Variants in ADGRD1 observed in about 807,000 individuals in gnomAD.
The protein encoded by ADGRD1 is adhesion G protein-coupled receptor D1, also known as G-protein coupled receptor 133.
Under a neutral mutation model 113.4 loss-of-function variants are expected in ADGRD1, and 77 were observed. The ratio of observed to expected loss-of-function variants is 0.68; its 90% CI spans 0.57 to 0.82. The LOEUF (loss-of-function observed/expected upper bound fraction) is 0.82, where lower values mean the gene tolerates loss of function less well. Among genes scored for constraint, ADGRD1 ranks in the 40% least tolerant of loss-of-function variants. ADGRD1 has a pLI of 0.00. For synonymous variants in ADGRD1, 474 were observed against 475.0 expected (o/e 1.00, Z 0.03); for missense variants, 1,036 against 1,139.1 (o/e 0.91, Z 1.30).
At chr12:131,130,152 G>A (rs77647638) in intron 20 of ADGRD1, among the ~76,000 whole-genome samples, 6 of 152,332 alleles carry the variant, frequency 3.9e-5, no homozygotes, top group East Asian at 1.9e-4. Flanking sequence ...GGGCATCAGC[G>A]TTTCTGGACA....
At chr12:130,987,690 G>A in intron 6 of ADGRD1, 1 of 334,398 alleles carries the variant, frequency 3.0e-6, no homozygotes. Context: ...TGCCTCCCAG[G>A]GGATGGGCCC....
chr12:131,019,319 G>A (rs7300592), intron 13 of ADGRD1, among the ~76,000 whole-genome samples: 22,692 of 152,154 alleles, frequency 0.15, 1,938 homozygotes, highest in African/African-American at 0.22. Context: ...CCAGGGCTAC[G>A]CAGGAGGCCT....
At chr12:131,093,464 G>A (rs1031680663) in intron 15 of ADGRD1, among the ~76,000 whole-genome samples, 1 of 152,210 alleles carries the variant, frequency 6.6e-6, no homozygotes, top group African/African-American at 2.4e-5. Flanking sequence ...CGGTTACCCA[G>A]CCAGGTGCAG....
intron 20 of ADGRD1, chr12:131,121,904 A>G (rs899435713): frequency 8.5e-5 from 13 of 152,252 alleles, no homozygotes; most frequent in African/African-American, 2.2e-4. Context: ...CCCAGAACCA[A>G]TCAGGGAAAT....
At chr12:131,137,319 G>A (rs1168156597) in intron 23 of ADGRD1, among the ~76,000 whole-genome samples, 1 of 152,248 alleles carries the variant, frequency 6.6e-6, no homozygotes, top group East Asian at 1.9e-4. Flanking sequence ...TGGGGAAGCT[G>A]GCCTGGCTGT....
chr12:131,087,679 C>A (rs1309356490), intron 15 of ADGRD1, among the ~76,000 whole-genome samples: 1 of 152,118 alleles, frequency 6.6e-6, no homozygotes, highest in East Asian at 1.9e-4. Context: ...AGGAGTGTTT[C>A]CCCTAGAGCA....
Position 131,139,413 on chromosome 12 carries a change from C to A in ADGRD1, c.*150C>A. The A allele has an allele frequency of 1.6e-6, 1 of 629,480 alleles. No homozygotes were observed. The highest frequency in any genetic ancestry group is 1.8e-5 in the African/African-American group (1 of 55,418). 39.0% of individuals were successfully genotyped at this position (629,480 alleles called of 1,614,324 possible). Reference sequence around the variant, plus strand: ...GAGACAGCTGTCCTCCCCTGTGACTCTGGCTGTCGGAGCACACTGCTCAGC... The same window carrying A: ...GAGACAGCTGTCCTCCCCTGTGACTATGGCTGTCGGAGCACACTGCTCAGC... On this transcript the variant is annotated 3_prime_UTR_variant, in exon 25 of 25. Transcript: ENST00000261654.
chr12:130,987,402 C>T, intron 6 of ADGRD1, 53 bp downstream of exon 6: 1 of 1,603,026 alleles, frequency 6.2e-7, no homozygotes, highest in Non-Finnish European at 8.5e-7. Context: ...CCAGGGTCAC[C>T]CTGGTATCGG....
intron 3 of ADGRD1, chr12:130,970,660 C>T (rs540104457): frequency 1.3e-5 from 2 of 152,310 alleles, no homozygotes; most frequent in South Asian, 4.1e-4. Context: ...AACAGTAAAT[C>T]CTACTCGCTC....
chr12:131,067,276 A>G (rs1293115117), intron 13 of ADGRD1, among the ~76,000 whole-genome samples: 2 of 152,188 alleles, frequency 1.3e-5, no homozygotes. Flanking sequence ...GTAGAGCTGG[A>G]GCTAGAATGG....
intron 23 of ADGRD1, 71 bp from the exon 24 acceptor site, chr12:131,138,066 G>T: frequency 1.6e-6 from 2 of 1,279,362 alleles, no homozygotes; most frequent in South Asian, 1.2e-5. Flanking sequence ...AGTTGCACCG[G>T]CACAGACTCC....
At position 131,105,753 on chromosome 12, in the gene ADGRD1, G is replaced by C. The variant is rs1950221414; in HGVS notation, c.1776-1G>C. The C allele has an allele frequency of 6.3e-7, 1 of 1,599,896 alleles. No individual in the cohort carries two copies. The highest frequency in any genetic ancestry group is 8.5e-7 in the Non-Finnish European group (1 of 1,179,274). On this transcript the variant is annotated splice_acceptor_variant, in intron 16 of 24. Coordinates refer to ENST00000261654, the MANE Select transcript of ADGRD1 (RefSeq NM_198827.5). LOFTEE classifies it high-confidence loss of function. ...GCCTCACACCCTGCCTCTGTCCTCA[G>C]CTCCGTGAGCACCATCCGGAACCAG...
chr12:131,046,594 T>C (rs1440665121), intron 13 of ADGRD1, among the ~76,000 whole-genome samples: 1 of 118,496 alleles, frequency 8.4e-6, no homozygotes, highest in African/African-American at 3.8e-5. Flanking sequence ...CCCTGGTCAG[T>C]GTCCTCCCTG....
intron 18 of ADGRD1, among the ~76,000 whole-genome samples, chr12:131,109,588 A>C (rs578252833): frequency 6.6e-6 from 1 of 152,306 alleles, no homozygotes; most frequent in South Asian, 2.1e-4. Context: ...TCATTGTGGA[A>C]AGACAACATA....
chr12:130,989,325 G>T (rs948797895), intron 6 of ADGRD1: 1 of 152,208 alleles, frequency 6.6e-6, no homozygotes, highest in East Asian at 1.9e-4. Flanking sequence ...TCTGGTTCTT[G>T]TTCTTGTCAG....
At chr12:131,030,060 G>A (rs1398383950) in intron 13 of ADGRD1, among the ~76,000 whole-genome samples, 2 of 148,192 alleles carry the variant, frequency 1.3e-5, no homozygotes, top group Non-Finnish European at 3.0e-5. Flanking sequence ...CAGGCTCTGG[G>A]GTTAGGTTGT....
Position 131,108,610 on chromosome 12 carries a change from T to C in ADGRD1, c.1888-114T>C, listed in dbSNP as rs1950284001. On this transcript the variant is annotated intron_variant, in intron 17 of 24. Transcript: ENST00000261654. ...CAGGAAGATACCCTGGGAAGAAACA[T>C]GGTCACATGACCAAAAGACCACCCA... 3 of 1,424,258 alleles carry C rather than the reference T, an allele frequency of 2.1e-6. No individual in the cohort carries two copies. In the Admixed American group the frequency reaches 5.3e-5, roughly 25 times the overall value. The allele number at this position is 1,424,258 out of a possible 1,614,324, so 88.2% of individuals were successfully genotyped here. A position where few individuals can be genotyped will look rare whatever the true frequency, so the allele number is the denominator to read the frequency against.
chr12:131,126,216 T>C (rs1393253524), intron 20 of ADGRD1, among the ~76,000 whole-genome samples: 2 of 152,202 alleles, frequency 1.3e-5, no homozygotes, highest in Admixed American at 6.5e-5. Flanking sequence ...TTAATGCTGC[T>C]GTTGTGGGAG....
intron 20 of ADGRD1, among the ~76,000 whole-genome samples, chr12:131,123,907 A>G (rs969711698): frequency 6.6e-6 from 1 of 151,904 alleles, no homozygotes; most frequent in Admixed American, 6.5e-5. Flanking sequence ...GCTTTTGTAG[A>G]TCGAGTTTTC....
Sources: allele counts gnomAD v4.1 joint callset (sites outside exome capture counted in the v4.1 genomes callset), GRCh38; gene constraint gnomAD v4.1.1; transcripts MANE v1.5; gene names NCBI Gene and HGNC (gene_info 2026-07-23, HGNC 2026-07-21).